The following DOCK4 variants were observed in gnomAD, a reference collection of about 807,000 sequenced individuals.
DOCK4 encodes dedicator of cytokinesis 4.
DOCK4 carries 97 observed loss-of-function variants against 268.1 expected under a neutral mutation model. The observed-to-expected ratio is 0.36, with a 90% CI of 0.31 to 0.43. The LOEUF is 0.43. Among genes scored for constraint, DOCK4 ranks in the 20% least tolerant of loss-of-function variants. The pLI is 1.00. For missense variants in DOCK4, 2,145 were observed against 2,455.7 expected (o/e 0.87, Z 2.67); for synonymous variants, 954 against 887.2 (o/e 1.08, Z -1.34).
chr7:111,984,205 C>A, intron 7 of DOCK4, 101 bp downstream of exon 7: 1 of 1,067,906 alleles, frequency 9.4e-7, no homozygotes, highest in Admixed American at 2.5e-5. Flanking sequence ...CTAAATTAAT[C>A]CTGGAACATC....
At chr7:111,790,015 AAATT>A (rs1255524073) in intron 31 of DOCK4, among the ~76,000 whole-genome samples, 1 of 152,202 alleles carries the variant, frequency 6.6e-6, no homozygotes, top group African/African-American at 2.4e-5. Context: ...TTTCTCCTTT[AAATT>A]AATTCTCAAT....
chr7:111,952,118 A>C (rs1796101750), intron 8 of DOCK4, among the ~76,000 whole-genome samples: 1 of 152,058 alleles, frequency 6.6e-6, no homozygotes, highest in Non-Finnish European at 1.5e-5. Flanking sequence ...TCAACCAAAT[A>C]AATGAATAAA....
intron 27 of DOCK4, among the ~76,000 whole-genome samples, chr7:111,818,961 T>A (rs1028498713): frequency 6.6e-6 from 1 of 152,250 alleles, no homozygotes; most frequent in Non-Finnish European, 1.5e-5. Context: ...GCTCTTTGTC[T>A]TTATAGTACT....
chr7:111,927,936 G>A (rs1005605308), intron 12 of DOCK4, among the ~76,000 whole-genome samples: 4 of 152,126 alleles, frequency 2.6e-5, no homozygotes, highest in Non-Finnish European at 5.9e-5. Context: ...ACAAAGTGTT[G>A]CAGAGAAGAA....
chr7:112,113,396 G>T (rs1443213345), intron 1 of DOCK4, among the ~76,000 whole-genome samples: 1 of 152,018 alleles, frequency 6.6e-6, no homozygotes, highest in East Asian at 1.9e-4. Context: ...TACCACAAAA[G>T]ATTTTTTTTA....
chr7:111,923,114 C>A (rs753650040), intron 12 of DOCK4, among the ~76,000 whole-genome samples: 2 of 152,034 alleles, frequency 1.3e-5, no homozygotes, highest in African/African-American at 2.4e-5. Flanking sequence ...CCACAAAAAA[C>A]AATACAGTAA....
At chr7:111,986,166 C>G (rs1390633237) in intron 6 of DOCK4, among the ~76,000 whole-genome samples, 1 of 152,138 alleles carries the variant, frequency 6.6e-6, no homozygotes, top group Non-Finnish European at 1.5e-5. Flanking sequence ...ATAAAATGCT[C>G]AGCCCAAACA....
intron 1 of DOCK4, among the ~76,000 whole-genome samples, chr7:112,052,782 A>C (rs1319010373): frequency 6.6e-6 from 1 of 151,690 alleles, no homozygotes; most frequent in African/African-American, 2.4e-5. Context: ...TTTATTTCAC[A>C]CTCCTCTCCA....
chr7:112,020,043 A>G (rs570598060), intron 1 of DOCK4, among the ~76,000 whole-genome samples: 27 of 152,228 alleles, frequency 1.8e-4, no homozygotes, highest in Non-Finnish European at 3.4e-4. Flanking sequence ...ACTTTCCTAC[A>G]TTGTGTTTGA....
intron 1 of DOCK4, among the ~76,000 whole-genome samples, chr7:112,121,627 G>A (rs1384294676): frequency 6.6e-6 from 1 of 152,176 alleles, no homozygotes; most frequent in African/African-American, 2.4e-5. Flanking sequence ...TAATGTGAGA[G>A]AGAATAGCAA....
chr7:111,944,326 T>C (rs995246241), intron 10 of DOCK4, among the ~76,000 whole-genome samples: 1 of 152,260 alleles, frequency 6.6e-6, no homozygotes, highest in South Asian at 2.1e-4. Context: ...GATGACATTA[T>C]ATAAGTTAAA....
intron 26 of DOCK4, among the ~76,000 whole-genome samples, chr7:111,833,583 A>G (rs906442483): frequency 6.6e-5 from 10 of 152,064 alleles, no homozygotes; most frequent in African/African-American, 2.4e-4. Flanking sequence ...AATGAAAAAC[A>G]TGATGCCATA....
At chr7:112,205,399 A>G (rs1821311217) in intron 1 of DOCK4, among the ~76,000 whole-genome samples, 1 of 152,116 alleles carries the variant, frequency 6.6e-6, no homozygotes, top group Non-Finnish European at 1.5e-5. Context: ...GGCCAGAAGT[A>G]AAAACACTGC....
chr7:112,051,286 TCA>T (rs1338845159), intron 1 of DOCK4, among the ~76,000 whole-genome samples: 5 of 152,088 alleles, frequency 3.3e-5, no homozygotes, highest in Non-Finnish European at 7.4e-5. Flanking sequence ...AAAAACTCTC[TCA>T]GAGGATGAGG....
At chr7:112,189,911 T>C (rs1208360566) in intron 1 of DOCK4, among the ~76,000 whole-genome samples, 2 of 152,098 alleles carry the variant, frequency 1.3e-5, no homozygotes, top group South Asian at 2.1e-4. Context: ...CAATTTTACA[T>C]AGTCACAGGA....
intron 26 of DOCK4, among the ~76,000 whole-genome samples, chr7:111,834,148 C>T (rs1803059624): frequency 6.6e-6 from 1 of 152,174 alleles, no homozygotes; most frequent in African/African-American, 2.4e-5. Context: ...TAGAGAATAT[C>T]AAATACAACT....
At chr7:112,116,456 C>A (rs578102421) in intron 1 of DOCK4, among the ~76,000 whole-genome samples, 1 of 152,150 alleles carries the variant, frequency 6.6e-6, no homozygotes, top group Non-Finnish European at 1.5e-5. Flanking sequence ...GCTCACCTTA[C>A]GATCATACAT....
chr7:111,790,372 C>T, intron 31 of DOCK4, 85 bp downstream of exon 31: 1 of 1,519,864 alleles, frequency 6.6e-7, no homozygotes, highest in Non-Finnish European at 8.9e-7. Flanking sequence ...GTTCATTTCC[C>T]AAGTTGGAGT....
chr7:111,872,535 T>C lies in DOCK4; in HGVS notation c.1774A>G (p.Thr592Ala). 2 of 1,601,322 alleles carry C rather than the reference T, an allele frequency of 1.2e-6. No homozygotes were observed. Among genetic ancestry groups the C allele is most frequent in the Non-Finnish European group, 8.5e-7 (1 of 1,173,324 alleles). ...CAGCCAGTGATCTTGTCTGGGTGGGTTCTCCATTTCAAAAGATCAAGCATA... is the reference window on the plus strand; with the variant it reads ...CAGCCAGTGATCTTGTCTGGGTGGGCTCTCCATTTCAAAAGATCAAGCATA... ...GDMLDLLKWRTHPDKITGCLS... is the reference protein window; with the variant it reads ...GDMLDLLKWRAHPDKITGCLS... Residue 592 changes from threonine to alanine, a missense_variant, in exon 18 of 53, where the codon ACC becomes GCC. Around this residue, in one of 2 missense-constraint regions of DOCK4, gnomAD observed 1,598 missense variants for 1,986.7 expected, o/e 0.80. Transcript: ENST00000428084.
Sources: allele counts gnomAD v4.1 joint callset (sites outside exome capture counted in the v4.1 genomes callset), GRCh38; gene constraint gnomAD v4.1.1; regional missense constraint gnomAD v4.1.1; transcripts MANE v1.5; gene names NCBI Gene and HGNC (gene_info 2026-07-23, HGNC 2026-07-21).